The following KHDRBS2 variants were observed in gnomAD, a reference collection of about 807,000 sequenced individuals.
KHDRBS2 encodes the protein KH domain-containing, RNA-binding, signal transduction-associated protein 2.
Under a neutral mutation model 44.3 loss-of-function variants are expected in KHDRBS2, and 26 were observed. The ratio of observed to expected loss-of-function variants is 0.59; its 90% confidence interval spans 0.43 to 0.81. The LOEUF (loss-of-function observed/expected upper bound fraction) is 0.81. Among genes scored for constraint, KHDRBS2 ranks in the 40% least tolerant of loss-of-function variants. KHDRBS2 has a pLI of 0.00. For synonymous variants in KHDRBS2, 194 were observed against 151.1 expected, an observed-to-expected ratio of 1.28 and a Z score of -2.08; for missense variants, 476 against 433.1, an observed-to-expected ratio of 1.10 and a Z score of -0.88.
At chr6:61,719,359 C>CT (rs532685043) in intron 7 of KHDRBS2, among the ~76,000 whole-genome samples, 16 of 143,802 alleles carry the variant, frequency 1.1e-4, no homozygotes, top group East Asian at 4.2e-4. Flanking sequence ...AGCTGTTTTT[C>CT]TTTTTTTTTT....
At chr6:61,550,885 C>T in the KHDRBS2 span, among the ~76,000 whole-genome samples, 8 of 150,548 alleles carry the variant, frequency 5.3e-5, no homozygotes, top group Non-Finnish European at 1.0e-4. Flanking sequence ...TGATTCTCCT[C>T]CTCATCTTCC....
At chr6:61,565,187 AATGTAAGACCTGAAACC>A in the KHDRBS2 span, among the ~76,000 whole-genome samples, 2 of 152,160 alleles carry the variant, frequency 1.3e-5, no homozygotes, top group Non-Finnish European at 2.9e-5. Context: ...TAAAGACTTA[AATGTAAGACCTGAAACC>A]ATGAAACTAT....
chr6:61,930,250 A>G (rs1162331502), intron 4 of KHDRBS2, among the ~76,000 whole-genome samples: 1 of 152,092 alleles, frequency 6.6e-6, no homozygotes, highest in Non-Finnish European at 1.5e-5. Flanking sequence ...AATGAGAAAT[A>G]AATTTTTCTT....
chr6:61,649,435 C>T, the KHDRBS2 span, among the ~76,000 whole-genome samples: 1 of 152,116 alleles, frequency 6.6e-6, no homozygotes, highest in Admixed American at 6.6e-5. Flanking sequence ...GGGTGTCAGC[C>T]TATATTGAGG....
chr6:61,717,759 A>C (rs183570032), intron 7 of KHDRBS2, among the ~76,000 whole-genome samples: 34 of 152,286 alleles, frequency 2.2e-4, no homozygotes, highest in Admixed American at 2.2e-3. Context: ...GCCTAAAAAC[A>C]GTAAATAATT....
the KHDRBS2 span, among the ~76,000 whole-genome samples, chr6:61,576,089 CCAAAA>C: frequency 0.61 from 92,939 of 151,154 alleles, 28,786 homozygotes; most frequent in Non-Finnish European, 0.65. Flanking sequence ...ACTTGTTCCC[CCAAAA>C]CAAAACAAAA....
the KHDRBS2 span, among the ~76,000 whole-genome samples, chr6:61,613,876 C>T: frequency 1.1e-4 from 17 of 152,258 alleles, no homozygotes; most frequent in Non-Finnish European, 2.2e-4. Context: ...CATTTTTACT[C>T]AAGTAGTTTA....
intron 2 of KHDRBS2, among the ~76,000 whole-genome samples, chr6:62,147,453 C>T (rs183787783): frequency 6.4e-4 from 97 of 151,926 alleles, no homozygotes; most frequent in African/African-American, 2.2e-3. Flanking sequence ...AGTCACTGGG[C>T]ATTGCTTAGT....
At chr6:61,837,660 AG>A in intron 6 of KHDRBS2, among the ~76,000 whole-genome samples, 1 of 152,186 alleles carries the variant, frequency 6.6e-6, no homozygotes, top group Middle Eastern at 3.4e-3. Context: ...CAAAAAATGT[AG>A]GGCCAGTTAC....
intron 2 of KHDRBS2, among the ~76,000 whole-genome samples, chr6:62,162,874 G>C (rs1817935124): frequency 2.0e-5 from 3 of 152,008 alleles, no homozygotes; most frequent in Admixed American, 2.0e-4. Context: ...AAAAGGATCA[G>C]GTGCCGTCAC....
At chr6:62,070,492 C>T (rs1356770933) in intron 2 of KHDRBS2, among the ~76,000 whole-genome samples, 1 of 151,982 alleles carries the variant, frequency 6.6e-6, no homozygotes, top group Admixed American at 6.6e-5. Context: ...CTCCCCCCTC[C>T]TCCCACCCTA....
At chr6:62,236,728 T>G (rs1833769452) in intron 1 of KHDRBS2, among the ~76,000 whole-genome samples, 2 of 152,250 alleles carry the variant, frequency 1.3e-5, no homozygotes, top group East Asian at 1.9e-4. Flanking sequence ...TGTAAAATAC[T>G]TGAAAGTTGC....
At chr6:61,621,485 A>C in the KHDRBS2 span, among the ~76,000 whole-genome samples, 1 of 152,204 alleles carries the variant, frequency 6.6e-6, no homozygotes, top group Non-Finnish European at 1.5e-5. Context: ...GCTGAGTAGC[A>C]GGCTAAAGGT....
chr6:61,822,735 T>C (rs575221657), intron 6 of KHDRBS2, among the ~76,000 whole-genome samples: 4 of 152,184 alleles, frequency 2.6e-5, no homozygotes, highest in African/African-American at 9.6e-5. Context: ...GTCAGCAATG[T>C]AGTCTTACAA....
chr6:62,184,654 C>T (rs116326224), intron 1 of KHDRBS2, among the ~76,000 whole-genome samples: 1 of 151,718 alleles, frequency 6.6e-6, no homozygotes, highest in Non-Finnish European at 1.5e-5. Flanking sequence ...AGGGAGTGGG[C>T]AATTAAAGTT....
the KHDRBS2 span, among the ~76,000 whole-genome samples, chr6:61,637,056 A>C: frequency 6.6e-6 from 1 of 152,092 alleles, no homozygotes; most frequent in Non-Finnish European, 1.5e-5. Flanking sequence ...ATTATACTTT[A>C]AGTTGTAGGG....
At chr6:62,075,938 A>AT (rs899910940) in intron 2 of KHDRBS2, among the ~76,000 whole-genome samples, 35 of 150,934 alleles carry the variant, frequency 2.3e-4, no homozygotes, top group African/African-American at 8.3e-4. Context: ...GCACCAAGGA[A>AT]TTTTTTTGAT....
chr6:62,140,804 G>C (rs1042107562), intron 2 of KHDRBS2, among the ~76,000 whole-genome samples: 1 of 152,164 alleles, frequency 6.6e-6, no homozygotes, highest in Non-Finnish European at 1.5e-5. Flanking sequence ...GAAGTATAAA[G>C]AGAAATTGGT....
intron 1 of KHDRBS2, among the ~76,000 whole-genome samples, chr6:62,214,904 T>G (rs558363589): frequency 2.6e-5 from 4 of 152,122 alleles, no homozygotes; most frequent in African/African-American, 7.2e-5. Flanking sequence ...CAATTCCAAC[T>G]GTACGTTCTT....
Sources: allele counts gnomAD v4.1 joint callset (sites outside exome capture counted in the v4.1 genomes callset), GRCh38; gene constraint gnomAD v4.1.1; transcripts MANE v1.5; gene names NCBI Gene and HGNC (gene_info 2026-07-23, HGNC 2026-07-21).